KLHL24: variants seen among roughly 807,000 people sequenced by gnomAD.
The protein encoded by KLHL24 is kelch like family member 24.
A neutral mutation model predicts 53.4 loss-of-function variants in KLHL24; 29 were observed. That is an observed-to-expected ratio of 0.54 (90% CI 0.40 to 0.74). KLHL24 has a LOEUF of 0.74. Among genes scored for constraint, KLHL24 ranks in the 30% least tolerant of loss-of-function variants. The pLI, the probability that KLHL24 is intolerant of heterozygous loss-of-function variation, is 0.00. For synonymous variants in KLHL24, 222 were observed against 253.7 expected (o/e 0.88, Z 1.19); for missense variants, 504 against 744.0 (o/e 0.68, Z 3.75).
intron 4 of KLHL24, among the ~76,000 whole-genome samples, chr3:183,664,664 AT>A (rs1371172006): frequency 6.6e-6 from 1 of 152,162 alleles, no homozygotes; most frequent in African/African-American, 2.4e-5. Flanking sequence ...TGTTTGTAAA[AT>A]TCACATCCTA....
At chr3:183,676,348 G>T (rs1229869010) in intron 7 of KLHL24, among the ~76,000 whole-genome samples, 5 of 152,052 alleles carry the variant, frequency 3.3e-5, no homozygotes, top group African/African-American at 1.2e-4. Context: ...CGCCTGCCTC[G>T]GCCTCCCAAA....
At position 183,650,554 on chromosome 3, in the gene KLHL24, A is replaced by G. The variant is rs1192984235; in HGVS notation, c.198A>G (p.Thr66=). Reference sequence around the variant, plus strand: ...AATTTCGTGATAGCCGCTTATTCACAGATGTTATCATTTGTGTGGAAGGAA... The same window carrying G: ...AATTTCGTGATAGCCGCTTATTCACGGATGTTATCATTTGTGTGGAAGGAA... The part of the protein sequence containing the change: ...FNEFRDSRLF[T]DVIICVEGKE... Residue 66 remains threonine (T), a synonymous_variant, in exon 3 of 8, where the codon ACA becomes ACG. Coordinates refer to ENST00000242810, the MANE Select transcript of KLHL24 (RefSeq NM_017644.3). The surrounding 1 kb of genome is among the most constrained non-coding windows in gnomAD (Gnocchi z 4.5). 2.5e-6 allele frequency: 4 copies of G among 1,614,016 alleles called. No individual in the cohort carries two copies. The African/African-American group carries it at 5.3e-5, about 22-fold the overall frequency.
chr3:183,655,219 A>G (rs1252592562), intron 3 of KLHL24, among the ~76,000 whole-genome samples: 2 of 152,236 alleles, frequency 1.3e-5, no homozygotes, highest in Non-Finnish European at 2.9e-5. Flanking sequence ...CAGAAAGAGG[A>G]CATAGGCCAA....
intron 5 of KLHL24, among the ~76,000 whole-genome samples, chr3:183,666,684 A>G (rs911108409): frequency 6.6e-6 from 1 of 152,172 alleles, no homozygotes; most frequent in African/African-American, 2.4e-5. Context: ...TAATGTCATC[A>G]CTCATAAAGT....
Position 183,684,385 on chromosome 3 carries a change from G to A in KLHL24, c.*5099G>A, listed in dbSNP as rs888426748. 2.6e-5 allele frequency: 4 copies of A among 152,702 alleles called. No homozygotes were observed. Among genetic ancestry groups the A allele is most frequent in the African/African-American group, 7.2e-5 (3 of 41,558 alleles). The allele number at this position is 152,702 out of a possible 1,614,324, so 9.5% of individuals were successfully genotyped here. On this transcript the variant is annotated 3_prime_UTR_variant, in exon 8 of 8. Coordinates refer to ENST00000242810, the MANE Select transcript of KLHL24 (RefSeq NM_017644.3). Reference sequence around the variant, plus strand: ...ATTGTTCTTAGTTAAGTTGTAGCACGTGAATACTTACTTACATGTTTTGTT... The same window carrying A: ...ATTGTTCTTAGTTAAGTTGTAGCACATGAATACTTACTTACATGTTTTGTT...
chr3:183,677,963 T>G (rs1576992617), intron 7 of KLHL24, among the ~76,000 whole-genome samples: 1 of 152,134 alleles, frequency 6.6e-6, no homozygotes, highest in East Asian at 1.9e-4. Flanking sequence ...AGCTAATTTT[T>G]TGTATTTTTA....
rs1306270410 is a variant in KLHL24, at chr3:183,682,343, T to A, written c.*3057T>A. On this transcript the variant is annotated 3_prime_UTR_variant, in exon 8 of 8. Coordinates refer to ENST00000242810, the MANE Select transcript of KLHL24 (RefSeq NM_017644.3). ...ACAACAGTAGAACTTCCTCCTTTTC[T>A]ACTGTAATCTTCCCACTGACTTTAC... 1 of 152,420 alleles carries A rather than the reference T, an allele frequency of 6.6e-6. No individual in the cohort carries two copies. The highest frequency in any genetic ancestry group is 1.5e-5 in the Non-Finnish European group (1 of 68,006). 9.4% of individuals were successfully genotyped at this position (152,420 alleles called of 1,614,324 possible).
At chr3:183,636,351 A>C (rs1715172605) in intron 1 of KLHL24, 1 of 152,272 alleles carries the variant, frequency 6.6e-6, no homozygotes, top group Admixed American at 6.5e-5. Flanking sequence ...AGCCCCATTA[A>C]AGCGATTGCG....
At position 183,651,256 on chromosome 3, in the gene KLHL24, C is replaced by T. The variant is rs1416259683; in HGVS notation, c.900C>T (p.Ser300=). ...ACATACTTGGGAATGAAATGATGTC[C>T]CCAAGGACTAGGCCACGCAGGTGAG... The part of the protein sequence containing the change: ...RYHILGNEMM[S]PRTRPRRSTG... The change falls in exon 3 of 8, where the codon TCC becomes TCT. Residue 300 remains serine, a synonymous_variant. Transcript: ENST00000242810. 8.7e-6 allele frequency: 14 copies of T among 1,613,328 alleles called. No individual in the cohort carries two copies. The highest frequency in any genetic ancestry group is 1.2e-5 in the Non-Finnish European group (14 of 1,179,556).
intron 5 of KLHL24, 144 bp downstream of exon 5, chr3:183,665,183 A>C: frequency 1.7e-6 from 1 of 580,550 alleles, no homozygotes; most frequent in Non-Finnish European, 3.2e-6. Context: ...GATAAACCAA[A>C]GATATAAACA....
chr3:183,636,331 G>C (rs1206743704), intron 1 of KLHL24: 1 of 152,342 alleles, frequency 6.6e-6, no homozygotes, highest in African/African-American at 2.4e-5. Flanking sequence ...CCAGGGCCGC[G>C]GGCCCGTGAA....
In KLHL24 at chr3:183,680,648, A is replaced by G. The variant is rs1331236372; in HGVS notation, c.*1362A>G. ...TGTCTAGATTTCTCAACTCCACTTT[A>G]TAAAGCTTATCAGTTTTCAGAGAGG... On this transcript the variant is annotated 3_prime_UTR_variant, in exon 8 of 8. Coordinates refer to ENST00000242810, the MANE Select transcript of KLHL24 (RefSeq NM_017644.3). The G allele has an allele frequency of 2.0e-5, 3 of 152,198 alleles. No individual in the cohort carries two copies. Among genetic ancestry groups the G allele is most frequent in the Admixed American group, 6.5e-5 (1 of 15,272 alleles). The allele number at this position is 152,198 out of a possible 1,614,324, so 9.4% of individuals were successfully genotyped here.
intron 6 of KLHL24, 73 bp downstream of exon 6, chr3:183,671,295 G>C: frequency 7.4e-7 from 1 of 1,351,870 alleles, no homozygotes; most frequent in Non-Finnish European, 1.0e-6. Context: ...TTATCAAGTA[G>C]GTAGCCAGGT....
At chr3:183,646,053 T>A (rs79969706) in intron 2 of KLHL24, among the ~76,000 whole-genome samples, 7,256 of 145,734 alleles carry the variant, frequency 0.05, 615 homozygotes, top group African/African-American at 0.18. Context: ...GTTTTTTGTT[T>A]TGTTTTTTTT....
At position 183,672,398 on chromosome 3, in the gene KLHL24, G is replaced by A; in HGVS notation, c.1516G>A (p.Val506Ile). 6.2e-7 allele frequency: 1 copy of A among 1,613,610 alleles called. No individual in the cohort carries two copies. Among genetic ancestry groups the A allele is most frequent in the Non-Finnish European group, 8.5e-7 (1 of 1,179,732 alleles). ...TAVSLNNLIY[V>I]AGGLTKAIYC... is the part of the protein sequence containing the mutation. ...TGTATCCCTAAACAACCTGATCTAT[G>A]TTGCCGGTGGACTGACCAAGGCAAT... is the stretch of plus-strand genomic sequence containing the variant. The change falls in exon 7 of 8, where the codon GTT becomes ATT. Residue 506 changes from valine (V) to isoleucine (I), a missense_variant. Transcript: ENST00000242810.
intron 6 of KLHL24, among the ~76,000 whole-genome samples, chr3:183,672,086 G>C (rs1721404657): frequency 6.6e-6 from 1 of 152,106 alleles, no homozygotes; most frequent in Admixed American, 6.5e-5. Context: ...TGTGTGTTTG[G>C]TACTCTATTC....
At chr3:183,643,988 A>G (rs965172177) in intron 2 of KLHL24, 2 of 142,938 alleles carry the variant, frequency 1.4e-5, no homozygotes, top group Non-Finnish European at 3.0e-5. Context: ...TCTTGAACCT[A>G]TATTAGTCAC....
At chr3:183,676,984 A>G (rs1420053717) in intron 7 of KLHL24, among the ~76,000 whole-genome samples, 2 of 151,126 alleles carry the variant, frequency 1.3e-5, no homozygotes, top group Non-Finnish European at 1.5e-5. Context: ...AAAACTTTAT[A>G]TATTGATAAA....
intron 7 of KLHL24, among the ~76,000 whole-genome samples, chr3:183,674,307 T>TCTTTCCTTTCTTC (rs1560186036): frequency 1.3e-4 from 15 of 118,662 alleles, no homozygotes; most frequent in African/African-American, 2.8e-4. Context: ...TTCTTTCCTT[T>TCTTTCCTTTCTTC]CTTCCTTCCT....
Sources: gnomAD v4.1 joint callset for allele counts (sites outside exome capture counted in the v4.1 genomes callset) on GRCh38, gnomAD v4.1.1 for gene constraint, Gnocchi (gnomAD v3.1) non-coding constraint, MANE v1.5 for transcripts, NCBI Gene and HGNC (gene_info 2026-07-23, HGNC 2026-07-21) for gene names.